The following HMBOX1 variants were observed in gnomAD, a reference collection of about 807,000 sequenced individuals.
The protein encoded by HMBOX1 is homeobox containing 1, also known as homeobox-containing protein 1.
HMBOX1 carries 14 observed loss-of-function variants against 54.5 expected under a neutral mutation model. That is an observed-to-expected ratio of 0.26 (90% confidence interval 0.17 to 0.40). HMBOX1 has a LOEUF of 0.40. Among genes scored for constraint, HMBOX1 ranks in the 10% least tolerant of loss-of-function variants. The pLI, the probability that HMBOX1 is intolerant of heterozygous loss-of-function variation, is 1.00. For synonymous variants in HMBOX1, 160 were observed against 181.0 expected, an observed-to-expected ratio of 0.88 and a Z score of 0.93; for missense variants, 332 against 514.4, an observed-to-expected ratio of 0.65 and a Z score of 3.43.
intron 1 of HMBOX1, among the ~76,000 whole-genome samples, chr8:28,909,582 G>A (rs1045976022): frequency 2.6e-4 from 40 of 152,272 alleles, no homozygotes; most frequent in Admixed American, 7.9e-4. Flanking sequence ...TGTAGTATTA[G>A]GAGTCATTGC....
intron 1 of HMBOX1, among the ~76,000 whole-genome samples, chr8:28,939,387 A>AT (rs1820954622): frequency 6.6e-6 from 1 of 151,958 alleles, no homozygotes; most frequent in South Asian, 2.1e-4. Flanking sequence ...CAGTTCTTCT[A>AT]TTTTTGCATT....
intron 3 of HMBOX1, among the ~76,000 whole-genome samples, chr8:28,971,779 TG>T (rs1827470044): frequency 6.6e-6 from 1 of 152,158 alleles, no homozygotes; most frequent in Non-Finnish European, 1.5e-5. Context: ...TGAGGAGTTT[TG>T]TAAAAACTCC....
At chr8:28,997,218 C>A (rs1235869651) in intron 4 of HMBOX1, among the ~76,000 whole-genome samples, 3 of 152,128 alleles carry the variant, frequency 2.0e-5, no homozygotes, top group Non-Finnish European at 4.4e-5. Context: ...TTCCCCGTTA[C>A]GTATGATGTC....
At chr8:29,005,986 T>G (rs1220199207) in intron 4 of HMBOX1, among the ~76,000 whole-genome samples, 1 of 150,320 alleles carries the variant, frequency 6.7e-6, no homozygotes, top group East Asian at 2.0e-4. Context: ...AGTTGATGCA[T>G]TCTATTTTTT....
At chr8:29,015,466 T>C (rs1834860934) in intron 5 of HMBOX1, among the ~76,000 whole-genome samples, 1 of 152,332 alleles carries the variant, frequency 6.6e-6, no homozygotes, top group Non-Finnish European at 1.5e-5. Flanking sequence ...TTTAGTCCTT[T>C]TCACCCTTGC....
chr8:28,901,039 T>C (rs1813151364), intron 1 of HMBOX1, among the ~76,000 whole-genome samples: 1 of 152,178 alleles, frequency 6.6e-6, no homozygotes, highest in African/African-American at 2.4e-5. Flanking sequence ...AAACTGGGCA[T>C]AGATAAATAA....
chr8:28,973,197 T>C (rs186779459), intron 3 of HMBOX1, among the ~76,000 whole-genome samples: 2 of 152,306 alleles, frequency 1.3e-5, no homozygotes, highest in Non-Finnish European at 1.5e-5. Flanking sequence ...TTGTCACTTA[T>C]AATCATTAAA....
intron 1 of HMBOX1, among the ~76,000 whole-genome samples, chr8:28,910,148 T>A (rs936045604): frequency 6.6e-6 from 1 of 152,226 alleles, no homozygotes; most frequent in African/African-American, 2.4e-5. Flanking sequence ...TTCCAGACAT[T>A]TTATGTAAAT....
intron 5 of HMBOX1, among the ~76,000 whole-genome samples, chr8:29,018,076 T>C (rs1422272039): frequency 6.6e-6 from 1 of 152,144 alleles, no homozygotes; most frequent in East Asian, 1.9e-4. Flanking sequence ...AAGAGTGGGG[T>C]AGCCAGGGAC....
intron 1 of HMBOX1, among the ~76,000 whole-genome samples, chr8:28,926,304 T>TATATATACACACACACAC (rs796953426): frequency 1.3e-4 from 18 of 142,132 alleles, no homozygotes; most frequent in African/African-American, 4.8e-4. Flanking sequence ...TATATATATA[T>TATATATACACACACACAC]ACACACACAC....
intron 5 of HMBOX1, among the ~76,000 whole-genome samples, chr8:29,013,063 CA>C (rs1160765374): frequency 6.6e-6 from 1 of 152,064 alleles, no homozygotes; most frequent in African/African-American, 2.4e-5. Flanking sequence ...ATTTAGAAAA[CA>C]AAAATGTTTG....
At chr8:28,922,365 C>T (rs188289471) in intron 1 of HMBOX1, among the ~76,000 whole-genome samples, 7 of 152,214 alleles carry the variant, frequency 4.6e-5, no homozygotes, top group East Asian at 1.9e-4. Context: ...GGAGGTGGGA[C>T]GGAGGGTGGT....
intron 1 of HMBOX1, among the ~76,000 whole-genome samples, chr8:28,934,633 A>G (rs1365360529): frequency 3.3e-5 from 5 of 152,224 alleles, no homozygotes; most frequent in Non-Finnish European, 2.9e-5. Flanking sequence ...ATGAAATAAT[A>G]TACAGAAATT....
At chr8:28,951,352 C>T (rs954866225) in intron 1 of HMBOX1, among the ~76,000 whole-genome samples, 1 of 152,108 alleles carries the variant, frequency 6.6e-6, no homozygotes. Flanking sequence ...AGGATGATCT[C>T]GATCTCTTGA....
At chr8:28,929,207 G>A (rs1257956682) in intron 1 of HMBOX1, among the ~76,000 whole-genome samples, 1 of 152,168 alleles carries the variant, frequency 6.6e-6, no homozygotes, top group East Asian at 1.9e-4. Flanking sequence ...AGGGTGGGAT[G>A]GGGTCAGATT....
intron 1 of HMBOX1, among the ~76,000 whole-genome samples, chr8:28,916,480 C>A (rs929151962): frequency 6.6e-6 from 1 of 152,060 alleles, no homozygotes; most frequent in African/African-American, 2.4e-5. Flanking sequence ...TGAGTTAATG[C>A]GTGTAGAAGA....
intron 1 of HMBOX1, among the ~76,000 whole-genome samples, chr8:28,905,744 A>G (rs1219113248): frequency 2.0e-5 from 3 of 152,230 alleles, no homozygotes; most frequent in African/African-American, 7.2e-5. Context: ...TAAGCAGACT[A>G]ACTTAACTTC....
chr8:28,936,406 AATAT>A (rs1261760310), intron 1 of HMBOX1, among the ~76,000 whole-genome samples: 2 of 151,958 alleles, frequency 1.3e-5, no homozygotes, highest in East Asian at 3.8e-4. Context: ...TAACATTATA[AATAT>A]ATACTATGTA....
At chr8:28,960,966 TG>T (rs1825484548) in intron 1 of HMBOX1, among the ~76,000 whole-genome samples, 1 of 151,708 alleles carries the variant, frequency 6.6e-6, no homozygotes, top group Non-Finnish European at 1.5e-5. Context: ...TTTGTGTTTT[TG>T]GTAGAGACGG....
Sources: gnomAD v4.1 joint callset for allele counts (sites outside exome capture counted in the v4.1 genomes callset) on GRCh38, gnomAD v4.1.1 for gene constraint, MANE v1.5 for transcripts, NCBI Gene and HGNC (gene_info 2026-07-23, HGNC 2026-07-21) for gene names.